Variants in ADAMTS9 observed in about 807,000 individuals in gnomAD.
The protein encoded by ADAMTS9 is A disintegrin and metalloproteinase with thrombospondin motifs 9.
Under a neutral mutation model 257.1 loss-of-function variants are expected in ADAMTS9, and 107 were observed. The ratio of observed to expected loss-of-function variants is 0.42; its 90% CI spans 0.36 to 0.49. The LOEUF (loss-of-function observed/expected upper bound fraction) is 0.49, where lower values mean the gene tolerates loss of function less well. ADAMTS9 is among the 20% of genes least tolerant of loss of function. The pLI is 0.03. For synonymous variants in ADAMTS9, 982 were observed against 880.9 expected (o/e 1.11, Z -2.03); for missense variants, 2,353 against 2,469.1 (o/e 0.95, Z 1.00).
At chr3:64,522,116 G>GAA in intron 39 of ADAMTS9, 50 bp downstream of exon 39, 1 of 1,558,248 alleles carries the variant, frequency 6.4e-7, no homozygotes, top group East Asian at 2.3e-5. Context: ...ATAGGCTACA[G>GAA]AAAAAAATAA....
At chr3:64,614,309 G>T (rs2084720394) in intron 21 of ADAMTS9, among the ~76,000 whole-genome samples, 1 of 152,060 alleles carries the variant, frequency 6.6e-6, no homozygotes, top group Admixed American at 6.6e-5. Flanking sequence ...TTAAGCAAAG[G>T]CAATTTGTTA....
chr3:64,580,361 C>T (rs991441993), intron 28 of ADAMTS9, among the ~76,000 whole-genome samples: 8 of 152,042 alleles, frequency 5.3e-5, no homozygotes, highest in East Asian at 1.9e-4. Context: ...AAACCAATAC[C>T]GAGCCCAAGA....
chr3:64,579,579 T>G (rs1237917771), intron 28 of ADAMTS9, among the ~76,000 whole-genome samples: 1 of 151,952 alleles, frequency 6.6e-6, no homozygotes, highest in Non-Finnish European at 1.5e-5. Context: ...TTTTTGTGTG[T>G]TTTTTTTCAC....
chr3:64,655,672 A>C lies in ADAMTS9; in HGVS notation c.1073T>G (p.Phe358Cys). The C allele has an allele frequency of 6.2e-7, 1 of 1,614,148 alleles. No individual in the cohort carries two copies. Reference sequence around the variant, plus strand: ...GTTTTTTAATGTTGTCTGAGCATTAAAAGATATGGAAGGCCCATCCTAAAT... The same window carrying C: ...GTTTTTTAATGTTGTCTGAGCATTACAAGATATGGAAGGCCCATCCTAAAT... ...HNEQDGPSIS[F>C]NAQTTLKNFC... is the part of the protein sequence containing the mutation. Residue 358 changes from phenylalanine to cysteine, a missense_variant, in exon 6 of 40, where the codon TTT (phenylalanine) becomes TGT (cysteine). Transcript: ENST00000498707.
intron 30 of ADAMTS9, among the ~76,000 whole-genome samples, chr3:64,558,958 A>G (rs1318758552): frequency 6.6e-6 from 1 of 152,168 alleles, no homozygotes; most frequent in Non-Finnish European, 1.5e-5. Context: ...GATATCAGGT[A>G]AAACGGTGGC....
intron 28 of ADAMTS9, among the ~76,000 whole-genome samples, chr3:64,574,276 A>G (rs2083772755): frequency 6.6e-6 from 1 of 152,214 alleles, no homozygotes; most frequent in African/African-American, 2.4e-5. Context: ...ATATTGGGAT[A>G]AAGAACACTG....
chr3:64,525,929 A>G (rs57009236), intron 38 of ADAMTS9, among the ~76,000 whole-genome samples: 102,651 of 147,876 alleles, frequency 0.69, 39,661 homozygotes, highest in Non-Finnish European at 0.86. Flanking sequence ...AATTATATTT[A>G]CCAATATAAT....
At chr3:64,685,842 A>G (rs1018661517) in intron 2 of ADAMTS9, among the ~76,000 whole-genome samples, 32 of 151,866 alleles carry the variant, frequency 2.1e-4, no homozygotes, top group Admixed American at 3.3e-4. Flanking sequence ...GTCTCCCACT[A>G]TCCCGTTTCT....
intron 2 of ADAMTS9, among the ~76,000 whole-genome samples, chr3:64,681,671 G>T (rs1315064449): frequency 6.6e-6 from 1 of 152,182 alleles, no homozygotes; most frequent in Non-Finnish European, 1.5e-5. Context: ...AGCCTCCTGA[G>T]TAGCTGGGAT....
Position 64,602,145 on chromosome 3 carries a change from C to T in ADAMTS9, c.3816G>A (p.Val1272=), listed in dbSNP as rs1378152200. The stretch of plus-strand genomic sequence containing the variant: ...CCTGGTCACACTCACTCCGATCGAT[C>T]ACGTGGTCACTGTAGTTGACACACA... The part of the protein sequence containing the change: ...QVMCVNYSDH[V]IDRSECDQDY... Residue 1272 remains valine (V), a synonymous_variant, in exon 26 of 40, where the codon GTG becomes GTA. Coordinates refer to ENST00000498707, the MANE Select transcript of ADAMTS9 (RefSeq NM_182920.2). 1.9e-6 allele frequency: 3 copies of T among 1,614,134 alleles called. No individual in the cohort carries two copies. The highest frequency in any genetic ancestry group is 2.5e-6 in the Non-Finnish European group (3 of 1,180,008).
chr3:64,636,760 C>G (rs1700509756), intron 12 of ADAMTS9, among the ~76,000 whole-genome samples: 1 of 152,184 alleles, frequency 6.6e-6, no homozygotes, highest in Admixed American at 6.5e-5. Context: ...TTTATTGGAA[C>G]ACAGCCACAC....
Position 64,520,034 on chromosome 3 carries a change from C to T in ADAMTS9, c.*5+2132G>A, listed in dbSNP as rs374529058. On this transcript the variant is annotated intron_variant, in intron 39 of 39. Coordinates refer to ENST00000498707, the MANE Select transcript of ADAMTS9 (RefSeq NM_182920.2). ...CCTTCACTGACAATATGATTCTATACAAAGAAAACCCTAAATATTCCACCA... is the reference window on the plus strand; with the variant it reads ...CCTTCACTGACAATATGATTCTATATAAAGAAAACCCTAAATATTCCACCA... Among the ~76,000 whole-genome samples the T allele has an allele frequency of 2.3e-4, 35 of 152,194 alleles. 1 individual carries two copies. The highest frequency in any genetic ancestry group is 8.4e-4 in the African/African-American group (35 of 41,550).
intron 10 of ADAMTS9, among the ~76,000 whole-genome samples, chr3:64,649,326 T>C (rs1283794605): frequency 6.6e-6 from 1 of 152,106 alleles, no homozygotes; most frequent in African/African-American, 2.4e-5. Flanking sequence ...AAAGCTGAGC[T>C]CTGTAATTCC....
chr3:64,518,332 T>C (rs548682907), intron 39 of ADAMTS9, among the ~76,000 whole-genome samples: 11 of 152,284 alleles, frequency 7.2e-5, no homozygotes, highest in African/African-American at 2.4e-4. Context: ...GGCACTCTTG[T>C]ATCAGGATCT....
intron 8 of ADAMTS9, among the ~76,000 whole-genome samples, chr3:64,653,161 A>T (rs746413714): frequency 6.6e-6 from 1 of 152,188 alleles, no homozygotes; most frequent in Non-Finnish European, 1.5e-5. Flanking sequence ...CAGATGAGAA[A>T]ACTGAGCCAC....
intron 38 of ADAMTS9, among the ~76,000 whole-genome samples, chr3:64,522,806 AAAG>A (rs2082869730): frequency 2.0e-5 from 3 of 152,278 alleles, no homozygotes; most frequent in Admixed American, 2.0e-4. Flanking sequence ...CAAATCAAGA[AAAG>A]AAGAGAAAGG....
intron 19 of ADAMTS9, among the ~76,000 whole-genome samples, chr3:64,617,106 G>A (rs1699968002): frequency 6.6e-6 from 1 of 152,164 alleles, no homozygotes. Flanking sequence ...CCCGGAACAT[G>A]TTCAATGAGA....
intron 38 of ADAMTS9, among the ~76,000 whole-genome samples, chr3:64,526,001 A>T (rs1217881793): frequency 6.8e-6 from 1 of 147,528 alleles, no homozygotes; most frequent in African/African-American, 2.5e-5. Flanking sequence ...TATTTTATAT[A>T]TTTTATATTT....
At chr3:64,586,334 T>C (rs537044369) in intron 28 of ADAMTS9, among the ~76,000 whole-genome samples, 1 of 152,138 alleles carries the variant, frequency 6.6e-6, no homozygotes, top group Non-Finnish European at 1.5e-5. Context: ...AAACACATTG[T>C]GTGACAAATT....
Sources: allele counts gnomAD v4.1 joint callset (sites outside exome capture counted in the v4.1 genomes callset), GRCh38; gene constraint gnomAD v4.1.1; transcripts MANE v1.5; gene names NCBI Gene and HGNC (gene_info 2026-07-23, HGNC 2026-07-21).